The following RUNX3 variants were observed in gnomAD, a reference collection of about 807,000 sequenced individuals.
RUNX3 encodes RUNX family transcription factor 3.
Under a neutral mutation model 27.7 loss-of-function variants are expected in RUNX3, and 10 were observed. The observed-to-expected ratio is 0.36, with a 90% CI of 0.22 to 0.61. RUNX3 has a LOEUF of 0.61. Ranked by LOEUF, RUNX3 falls within the 20% of genes least tolerant of loss-of-function variation. The pLI is 0.72. For synonymous variants in RUNX3, 270 were observed against 269.2 expected (o/e 1.00, Z -0.03); for missense variants, 469 against 629.5 (o/e 0.75, Z 2.73).
chr1:24,903,156 A>G (rs1316890119), intron 4 of RUNX3, among the ~76,000 whole-genome samples: 1 of 152,198 alleles, frequency 6.6e-6, no homozygotes, highest in African/African-American at 2.4e-5. Flanking sequence ...GAAGACAAGA[A>G]AATGGAGGCA....
rs905803634 is a variant in RUNX3, at chr1:24,907,244, C to T, written c.703+15G>A. The T allele has an allele frequency of 2.5e-6, 4 of 1,604,846 alleles. No homozygotes were observed. The highest frequency in any genetic ancestry group is 2.0e-4 in the Middle Eastern group (1 of 5,074). On this transcript the variant is annotated intron_variant, in intron 4 of 4. Transcript: ENST00000308873. ...CCCACCTCACCCCGCTGCAGCCCCT[C>T]CCTCCGTGCCGTACCTTGGATTGGG...
chr1:24,920,922 T>C (rs934772431), intron 2 of RUNX3, among the ~76,000 whole-genome samples: 1 of 152,176 alleles, frequency 6.6e-6, no homozygotes, highest in East Asian at 1.9e-4. Flanking sequence ...CACAGCCTCA[T>C]GCTTTATGAG....
intron 3 of RUNX3, among the ~76,000 whole-genome samples, chr1:24,914,112 C>G (rs1571309759): frequency 6.6e-6 from 1 of 152,272 alleles, no homozygotes. Context: ...AAGGTCATCG[C>G]TTCCCAAGAC....
chr1:24,908,591 A>G (rs1403268149), intron 3 of RUNX3, among the ~76,000 whole-genome samples: 1 of 152,154 alleles, frequency 6.6e-6, no homozygotes, highest in Non-Finnish European at 1.5e-5. Flanking sequence ...ACTTGAGCCC[A>G]GGAGGTGGAG....
At chr1:24,959,604 G>T (rs1045030843) in intron 2 of RUNX3, among the ~76,000 whole-genome samples, 3 of 152,166 alleles carry the variant, frequency 2.0e-5, no homozygotes, top group Admixed American at 1.3e-4. Flanking sequence ...GGAGCTTTCA[G>T]TGCTAAAACA....
At chr1:24,908,920 C>A (rs1357678854) in intron 3 of RUNX3, among the ~76,000 whole-genome samples, 2 of 152,204 alleles carry the variant, frequency 1.3e-5, no homozygotes, top group Non-Finnish European at 2.9e-5. Context: ...AATAACTCCA[C>A]CAGGATGCTG....
chr1:24,963,694 G>A (rs914246799), intron 2 of RUNX3, among the ~76,000 whole-genome samples: 5 of 152,280 alleles, frequency 3.3e-5, no homozygotes, highest in Middle Eastern at 3.4e-3. Context: ...TAGGGAGGAG[G>A]AAGGCAGCAG....
chr1:24,914,426 A>G (rs1475500746), intron 3 of RUNX3, among the ~76,000 whole-genome samples: 1 of 152,196 alleles, frequency 6.6e-6, no homozygotes, highest in African/African-American at 2.4e-5. Context: ...CCGACTCTTA[A>G]CAGCCTCGCG....
rs538740609 is a variant in RUNX3, at chr1:24,904,660, G to A, written c.704-1994C>T. On this transcript the variant is annotated intron_variant, in intron 4 of 4. Transcript: ENST00000308873. This position sits in a 1 kb window ranked among gnomAD's most constrained non-coding sequence, Gnocchi z 5.7. ...TCTCAAGACGAAGGAAACAAATGGGGACCGCAGGATACAACGGCAGGACTG... is the reference window on the plus strand; with the variant it reads ...TCTCAAGACGAAGGAAACAAATGGGAACCGCAGGATACAACGGCAGGACTG... Among the ~76,000 whole-genome samples the A allele has an allele frequency of 6.6e-6, 1 of 152,274 alleles. No individual in the cohort carries two copies. Among genetic ancestry groups the A allele is most frequent in the African/African-American group, 2.4e-5 (1 of 41,550 alleles).
At chr1:24,931,167 C>T (rs1366337465), upstream of RUNX3, among the ~76,000 whole-genome samples, 1 of 152,266 alleles carries the variant, frequency 6.6e-6, no homozygotes, top group Non-Finnish European at 1.5e-5. Flanking sequence ...GCAGTGGCTG[C>T]AAAGCTAAGG....
At position 24,907,545 on chromosome 1, in the gene RUNX3, T is replaced by C. The variant is rs1030986112; in HGVS notation, c.545-128A>G. ...GGCCTCTGCTGGGAGAACCCTGAGG[T>C]CACCGCCAGCCTCTTCACAGAGGTT... On this transcript the variant is annotated intron_variant, in intron 3 of 4. Transcript: ENST00000308873. The C allele has an allele frequency of 2.0e-5, 18 of 902,672 alleles. No individual in the cohort carries two copies. In the African/African-American group the frequency reaches 2.5e-4, roughly 13 times the overall value. 55.9% of individuals were successfully genotyped at this position (902,672 alleles called of 1,614,324 possible).
Position 24,900,904 on chromosome 1 carries a change from T to C in RUNX3, c.*1218A>G, listed in dbSNP as rs1163315485. 2.0e-5 allele frequency: 3 copies of C among 152,162 alleles called. No individual in the cohort carries two copies. The highest frequency in any genetic ancestry group is 7.2e-5 in the African/African-American group (3 of 41,440). The allele number at this position is 152,162 out of a possible 1,614,324, so 9.4% of individuals were successfully genotyped here. A position where few individuals can be genotyped will look rare whatever the true frequency, so the allele number is the denominator to read the frequency against. ...GCGGGGGGGAGAGGGGGCGGGGATG[T>C]TGCTTATAATCACAGAGCTATCATA... On this transcript the variant is annotated 3_prime_UTR_variant, in exon 5 of 5. Transcript: ENST00000308873.
chr1:24,941,670 G>T (rs1277578858), intron 2 of RUNX3, among the ~76,000 whole-genome samples: 1 of 152,166 alleles, frequency 6.6e-6, no homozygotes, highest in Non-Finnish European at 1.5e-5. Flanking sequence ...AGGGTCCACA[G>T]CGGATCCCAA....
intron 2 of RUNX3, among the ~76,000 whole-genome samples, chr1:24,936,440 C>T: frequency 6.6e-6 from 1 of 152,176 alleles, no homozygotes; most frequent in East Asian, 1.9e-4. Flanking sequence ...CTCAGAGTTA[C>T]AGTCATGGAA....
chr1:24,914,703 G>A (rs961065112), intron 3 of RUNX3, among the ~76,000 whole-genome samples: 3 of 152,158 alleles, frequency 2.0e-5, no homozygotes, highest in Non-Finnish European at 4.4e-5. Context: ...GACACTCCTG[G>A]GGGTTGTGGG....
intron 2 of RUNX3, among the ~76,000 whole-genome samples, chr1:24,944,009 C>G (rs747991845): frequency 3.3e-5 from 5 of 152,194 alleles, no homozygotes; most frequent in Admixed American, 6.5e-5. Flanking sequence ...TAAAATATCT[C>G]TTTACTGTCC....
chr1:24,940,192 C>T (rs543083153), intron 2 of RUNX3, among the ~76,000 whole-genome samples: 5 of 152,272 alleles, frequency 3.3e-5, no homozygotes, highest in South Asian at 2.1e-4. Context: ...AATAGGGACA[C>T]GTCCCCTCAG....
At chr1:24,925,310 G>T (rs1350159349) in intron 2 of RUNX3, among the ~76,000 whole-genome samples, 1 of 152,070 alleles carries the variant, frequency 6.6e-6, no homozygotes, top group Non-Finnish European at 1.5e-5. Context: ...CACCTTCTGG[G>T]TTTCCCCCAC....
chr1:24,922,782 C>CAAA (rs57671911), intron 2 of RUNX3, among the ~76,000 whole-genome samples: 23 of 21,536 alleles, frequency 1.1e-3, no homozygotes, highest in East Asian at 1.8e-3. Context: ...GCCCACAGGG[C>CAAA]AAAAAAAAAA....
Sources: gnomAD v4.1 joint callset for allele counts (sites outside exome capture counted in the v4.1 genomes callset) on GRCh38, gnomAD v4.1.1 for gene constraint, Gnocchi (gnomAD v3.1) non-coding constraint, MANE v1.5 for transcripts, NCBI Gene and HGNC (gene_info 2026-07-23, HGNC 2026-07-21) for gene names.